The following LRP5 variants were observed in gnomAD, a reference collection of about 807,000 sequenced individuals.
LRP5 encodes the protein low-density lipoprotein receptor-related protein 5.
A neutral mutation model predicts 154.1 loss-of-function variants in LRP5; 62 were observed. That is an observed-to-expected ratio of 0.40 (90% confidence interval 0.33 to 0.50). LRP5 has a LOEUF of 0.50. Ranked by LOEUF, LRP5 falls within the 20% of genes least tolerant of loss-of-function variation. The pLI is 0.55. For missense variants in LRP5, 1,915 were observed against 2,336.7 expected, an observed-to-expected ratio of 0.82 and a Z score of 3.72; for synonymous variants, 966 against 1,011.5, an observed-to-expected ratio of 0.96 and a Z score of 0.85.
intron 11 of LRP5, 98 bp downstream of exon 11, chr11:68,411,718 TC>T: frequency 1.5e-6 from 2 of 1,304,044 alleles, no homozygotes; most frequent in Non-Finnish European, 2.1e-6. Context: ...GCCTGCAAGT[TC>T]CCCAACCTGG....
chr11:68,298,689 AG>A, the LRP5 span, among the ~76,000 whole-genome samples: 584 of 152,250 alleles, frequency 3.8e-3, 4 homozygotes, highest in Non-Finnish European at 7.4e-3. Context: ...GCTAGAGCCT[AG>A]GGGCTGCTGT....
At chr11:68,380,466 GC>G (rs2098639679) in intron 5 of LRP5, among the ~76,000 whole-genome samples, 1 of 152,210 alleles carries the variant, frequency 6.6e-6, no homozygotes, top group African/African-American at 2.4e-5. Flanking sequence ...CAGAGTGCTT[GC>G]CGACCTCTGT....
In LRP5 at chr11:68,384,780, C is replaced by T. The variant is rs1488973285; in HGVS notation, c.1016-1536C>T. On this transcript the variant is annotated intron_variant, in intron 5 of 22. Coordinates refer to ENST00000294304, the MANE Select transcript of LRP5 (RefSeq NM_002335.4). ...GGTTCAGAAGAGAATCCTGTAACCC[C>T]CCACCCCCCAAACTGAAGCCCACTT... Among the ~76,000 whole-genome samples, 5 of 152,090 alleles carry T rather than the reference C, an allele frequency of 3.3e-5. No individual in the cohort carries two copies. The East Asian group carries it at 9.7e-4, about 29-fold the overall frequency.
chr11:68,436,848 G>T, intron 18 of LRP5, 41 bp from the exon 19 acceptor site: 2 of 1,478,312 alleles, frequency 1.4e-6, no homozygotes, highest in Non-Finnish European at 1.9e-6. Context: ...GGGCTGGGGG[G>T]CACCCTCCAG....
rs2098660803 is a variant in LRP5 at position 68,413,629 on chromosome 11, C to T, written c.2504-60C>T. The T allele has an allele frequency of 2.0e-5, 30 of 1,491,670 alleles. No homozygotes were observed. The highest frequency in any genetic ancestry group is 1.2e-4 in the South Asian group (11 of 88,586). 92.4% of individuals were successfully genotyped at this position (1,491,670 alleles called of 1,614,324 possible). A position where few individuals can be genotyped will look rare whatever the true frequency, so the allele number is the denominator to read the frequency against. ...AACCCTGGCTCACCCCGCAGGGCGC[C>T]GTGTGCTCTGTGGCCTGGCTGTGCC... On this transcript the variant is annotated intron_variant, in intron 11 of 22. Transcript: ENST00000294304. This position sits in a 1 kb window ranked among gnomAD's most constrained non-coding sequence, Gnocchi z 5.1.
chr11:68,337,113 G>A (rs564448039), intron 1 of LRP5, among the ~76,000 whole-genome samples: 57 of 152,352 alleles, frequency 3.7e-4, no homozygotes, highest in Non-Finnish European at 7.1e-4. Flanking sequence ...GGTATAACAG[G>A]ACCAGGGCAG....
At chr11:68,421,028 C>A (rs751041116) in intron 13 of LRP5, among the ~76,000 whole-genome samples, 8 of 152,132 alleles carry the variant, frequency 5.3e-5, no homozygotes, top group Non-Finnish European at 8.8e-5. Context: ...AGATCAAGAC[C>A]ATCCTGGCCA....
intron 1 of LRP5, among the ~76,000 whole-genome samples, chr11:68,342,354 T>C (rs4988311): frequency 0.043 from 6,562 of 152,252 alleles, 226 homozygotes; most frequent in Middle Eastern, 0.1. Flanking sequence ...AAGAGGGGGC[T>C]GTAGGGCCTT....
chr11:68,376,725 T>C (rs1436497537), intron 5 of LRP5, among the ~76,000 whole-genome samples: 1 of 152,238 alleles, frequency 6.6e-6, no homozygotes, highest in African/African-American at 2.4e-5. Context: ...CTGCTGTCCA[T>C]TGAACACCTA....
chr11:68,409,403 T>A (rs924428857), intron 9 of LRP5, among the ~76,000 whole-genome samples: 8 of 148,776 alleles, frequency 5.4e-5, no homozygotes, highest in Admixed American at 1.4e-4. Context: ...TTATATAAAA[T>A]ATATATAAAA....
Position 68,448,958 on chromosome 11 carries a change from C to A in LRP5, c.4736C>A (p.Pro1579His). 6.2e-7 allele frequency: 1 copy of A among 1,612,988 alleles called. No homozygotes were observed. Among genetic ancestry groups the A allele is most frequent in the Non-Finnish European group, 8.5e-7 (1 of 1,179,980 alleles). Residue 1579 changes from proline (P) to histidine (H), a missense_variant, in exon 23 of 23, where the codon CCC becomes CAC. Transcript: ENST00000294304. ...DSDPYPPPPT[P>H]HSQYLSAEDS... ...GACCCCTATCCACCCCCACCCACGC[C>A]CCACAGCCAGTACCTGTCGGCGGAG... is the stretch of plus-strand genomic sequence containing the variant.
chr11:68,426,961 A>G (rs1322592675), intron 16 of LRP5, among the ~76,000 whole-genome samples: 2 of 152,220 alleles, frequency 1.3e-5, no homozygotes, highest in East Asian at 3.9e-4. Context: ...CCTAGAGGCC[A>G]CCACAGGTCC....
chr11:68,354,935 G>A (rs1453590159), intron 2 of LRP5, among the ~76,000 whole-genome samples: 1 of 152,230 alleles, frequency 6.6e-6, no homozygotes, highest in Non-Finnish European at 1.5e-5. Context: ...CGGGGCCGGA[G>A]GAGCAGGGGC....
intron 1 of LRP5, 133 bp from the exon 2 acceptor site, chr11:68,347,714 G>A: frequency 9.1e-7 from 1 of 1,101,926 alleles, no homozygotes; most frequent in South Asian, 1.3e-5. Context: ...CCTTAGGGGT[G>A]GGAGGAAGGA....
At chr11:68,314,651 C>T (rs1449653011) in intron 1 of LRP5, among the ~76,000 whole-genome samples, 1 of 152,252 alleles carries the variant, frequency 6.6e-6, no homozygotes, top group Non-Finnish European at 1.5e-5. Flanking sequence ...GCTCCCAAGC[C>T]CTAGTCCTCT....
chr11:68,400,014 C>T (rs1323066944), intron 7 of LRP5, among the ~76,000 whole-genome samples: 1 of 151,990 alleles, frequency 6.6e-6, no homozygotes, highest in Non-Finnish European at 1.5e-5. Context: ...ATCCAGGTGG[C>T]AAGTGGTGAG....
Position 68,386,560 on chromosome 11 carries a change from C to G in LRP5, c.1260C>G (p.Gly420=), listed in dbSNP as rs1255492320. The G allele has an allele frequency of 6.2e-7, 1 of 1,613,908 alleles. No individual in the cohort carries two copies. The highest frequency in any genetic ancestry group is 8.5e-7 in the Non-Finnish European group (1 of 1,179,976). ...LVNTEINDPD[G]IAVDWVARNL... is the part of the protein sequence containing the mutation. Reference sequence around the variant, plus strand: ...ACACCGAGATCAACGACCCCGATGGCATCGCGGTCGACTGGGTGGCCCGAA... The same window carrying G: ...ACACCGAGATCAACGACCCCGATGGGATCGCGGTCGACTGGGTGGCCCGAA... Residue 420 remains glycine, a synonymous_variant, in exon 6 of 23, where the codon GGC becomes GGG. Transcript: ENST00000294304. The surrounding 1 kb of genome is among the most constrained non-coding windows in gnomAD (Gnocchi z 7.9).
chr11:68,361,162 G>A (rs184016170), intron 3 of LRP5, among the ~76,000 whole-genome samples: 48 of 144,044 alleles, frequency 3.3e-4, no homozygotes, highest in African/African-American at 1.2e-3. Flanking sequence ...AAAATTAGCC[G>A]GGCATCGTGG....
intron 9 of LRP5, among the ~76,000 whole-genome samples, chr11:68,408,924 C>G (rs1187698945): frequency 1.3e-5 from 2 of 150,378 alleles, no homozygotes. Context: ...TGGTGCATAG[C>G]TGTAGTCCCA....
Sources: gnomAD v4.1 joint callset for allele counts (sites outside exome capture counted in the v4.1 genomes callset) on GRCh38, gnomAD v4.1.1 for gene constraint, Gnocchi (gnomAD v3.1) non-coding constraint, MANE v1.5 for transcripts, NCBI Gene and HGNC (gene_info 2026-07-23, HGNC 2026-07-21) for gene names.